SF3A3: variants seen among roughly 807,000 people sequenced by gnomAD.
SF3A3 encodes SAP 61.
In SF3A3, 9 loss-of-function variants were observed where a neutral mutation model predicts 85.8. That is an observed-to-expected ratio of 0.10 (90% CI 0.06 to 0.18). SF3A3 has a LOEUF of 0.18. Among genes scored for constraint, SF3A3 ranks in the 10% least tolerant of loss-of-function variants. SF3A3 has a pLI of 1.00. For synonymous variants in SF3A3, 195 were observed against 204.4 expected (o/e 0.95, Z 0.39); for missense variants, 306 against 593.3 (o/e 0.52, Z 5.03).
intron 14 of SF3A3, among the ~76,000 whole-genome samples, chr1:37,968,634 G>A (rs28428561): frequency 0.47 from 72,014 of 151,934 alleles, 17,384 homozygotes; most frequent in East Asian, 0.65. Flanking sequence ...GATGGTAAAT[G>A]GCATGGGCTT....
intron 15 of SF3A3, among the ~76,000 whole-genome samples, chr1:37,961,288 A>C (rs2148714197): frequency 6.6e-6 from 1 of 152,316 alleles, no homozygotes; most frequent in Non-Finnish European, 1.5e-5. Flanking sequence ...TAATTGCTTT[A>C]AATGAGCTGA....
At chr1:37,984,131 C>G in intron 6 of SF3A3, 38 bp downstream of exon 6, 1 of 1,171,576 alleles carries the variant, frequency 8.5e-7, no homozygotes. Flanking sequence ...TGACTCACTT[C>G]GAGAATCAGA....
At chr1:37,988,857 TTGTGTGTGTG>T (rs547811229) in intron 2 of SF3A3, among the ~76,000 whole-genome samples, 14 of 146,762 alleles carry the variant, frequency 9.5e-5, no homozygotes, top group African/African-American at 2.8e-4. Flanking sequence ...ACGGGGTGTG[TTGTGTGTGTG>T]TGTGTGTGTG....
intron 8 of SF3A3, among the ~76,000 whole-genome samples, chr1:37,980,086 A>C (rs1384379022): frequency 1.3e-5 from 2 of 151,136 alleles, no homozygotes; most frequent in African/African-American, 4.9e-5. Flanking sequence ...GGCACAGTCA[A>C]AGGCAAGTGG....
intron 4 of SF3A3, among the ~76,000 whole-genome samples, chr1:37,985,350 A>G (rs1646448726): frequency 6.6e-6 from 1 of 152,208 alleles, no homozygotes; most frequent in Non-Finnish European, 1.5e-5. Flanking sequence ...ACCACTGTTA[A>G]CAGAGCTTTT....
At position 37,984,737 on chromosome 1, in the gene SF3A3, C is replaced by T; in HGVS notation, c.346G>A (p.Ala116Thr). The T allele has an allele frequency of 6.2e-7, 1 of 1,613,962 alleles. No homozygotes were observed. Among genetic ancestry groups the T allele is most frequent in the African/African-American group, 1.3e-5 (1 of 75,056 alleles). The change falls in exon 5 of 17, where the codon GCT (alanine) becomes ACT (threonine). Residue 116 changes from alanine to threonine, a missense_variant. By Grantham distance (58) the Ala-to-Thr change is moderately conservative. Transcript: ENST00000373019. ...GCCTCTTCACTTGGATTCTCTCGAG[C>T]CTTCAGGAGTTCCTCAAATTCCACT... The part of the protein sequence containing the change: ...MSVEFEELLK[A>T]RENPSEEAQN...
intron 14 of SF3A3, among the ~76,000 whole-genome samples, chr1:37,968,659 A>G (rs1646318940): frequency 6.6e-6 from 1 of 152,080 alleles, no homozygotes; most frequent in African/African-American, 2.4e-5. Context: ...CTGGATGCCA[A>G]CTCCAATCAT....
intron 11 of SF3A3, among the ~76,000 whole-genome samples, chr1:37,977,261 G>A (rs1265316819): frequency 1.3e-5 from 2 of 152,176 alleles, no homozygotes; most frequent in African/African-American, 2.4e-5. Context: ...TCTGCAGCAG[G>A]TAGACCTAGG....
intron 15 of SF3A3, among the ~76,000 whole-genome samples, 189 bp downstream of exon 15, chr1:37,967,855 T>A (rs192630373): frequency 6.6e-6 from 1 of 152,024 alleles, no homozygotes; most frequent in Non-Finnish European, 1.5e-5. Context: ...CGAGACTCCA[T>A]CCATCTCAAA....
At chr1:37,977,401 C>T (rs375418023) in intron 11 of SF3A3, among the ~76,000 whole-genome samples, 137 of 152,192 alleles carry the variant, frequency 9.0e-4, no homozygotes, top group African/African-American at 3.1e-3. Flanking sequence ...TAGAAAAAAA[C>T]GTACATTAAG....
At chr1:37,977,622 T>G (rs905258004) in intron 11 of SF3A3, among the ~76,000 whole-genome samples, 13 of 152,152 alleles carry the variant, frequency 8.5e-5, no homozygotes, top group Non-Finnish European at 1.6e-4. Flanking sequence ...GTGGATCACC[T>G]GAGGTCAGGA....
intron 12 of SF3A3, among the ~76,000 whole-genome samples, chr1:37,975,324 T>C (rs1295928910): frequency 6.6e-6 from 1 of 152,102 alleles, no homozygotes; most frequent in Non-Finnish European, 1.5e-5. Context: ...AAGACCAGCC[T>C]GGCCAACAAG....
intron 15 of SF3A3, among the ~76,000 whole-genome samples, chr1:37,965,272 C>A (rs1646290687): frequency 7.3e-6 from 1 of 136,902 alleles, no homozygotes; most frequent in African/African-American, 2.7e-5. Flanking sequence ...TTGAGACCAG[C>A]CTGGGCAACA....
intron 6 of SF3A3, 131 bp downstream of exon 6, chr1:37,984,038 C>T: frequency 1.9e-6 from 1 of 520,274 alleles, no homozygotes. Context: ...CATATCACCT[C>T]TTTAATATTT....
Position 37,989,992 on chromosome 1 carries a change from C to T in SF3A3, c.-27G>A, listed in dbSNP as rs773578154. 1 of 1,561,656 alleles carries T rather than the reference C, an allele frequency of 6.4e-7. No homozygotes were observed. Among genetic ancestry groups the T allele is most frequent in the Non-Finnish European group, 8.8e-7 (1 of 1,139,498 alleles). On this transcript the variant is annotated 5_prime_UTR_variant, in exon 1 of 17. Coordinates refer to ENST00000373019, the MANE Select transcript of SF3A3 (RefSeq NM_006802.4). ...TTCCCTTAGTCGCGGCTTCTCAATT[C>T]AGACCACCAACACGGCCGGAAGCAA...
chr1:37,973,386 G>C (rs1337756218), intron 12 of SF3A3, among the ~76,000 whole-genome samples: 1 of 152,102 alleles, frequency 6.6e-6, no homozygotes, highest in Admixed American at 6.5e-5. Context: ...CACAGCAAAA[G>C]AAACTACCAT....
rs1646480496 is a variant in SF3A3 at position 37,989,573 on chromosome 1, T to A, written c.119A>T (p.Asp40Val). The A allele has an allele frequency of 6.2e-7, 1 of 1,614,004 alleles. No individual in the cohort carries two copies. The highest frequency in any genetic ancestry group is 1.3e-5 in the African/African-American group (1 of 75,022). ...ATCTTGCATGGCCCGAGTGCGGTGA[T>A]CAGAATTGATCTGGTCCCGGAGCTG... ...KSTLRDQINSDHRTRAMQDRY... is the reference protein window; with the variant it reads ...KSTLRDQINSVHRTRAMQDRY... The change falls in exon 2 of 17, where the codon GAT becomes GTT. Residue 40 changes from aspartate (D) to valine (V), a missense_variant. Around this residue, in one of 4 missense-constraint regions of SF3A3, gnomAD observed 152 missense variants for 192.0 expected, o/e 0.79. Transcript: ENST00000373019.
chr1:37,988,871 GTGTGTGTGTATA>G (rs1191611563), intron 2 of SF3A3, among the ~76,000 whole-genome samples: 5 of 149,110 alleles, frequency 3.4e-5, no homozygotes, highest in African/African-American at 1.0e-4. Flanking sequence ...GTGTGTGTGT[GTGTGTGTGTATA>G]TATATATATA....
chr1:37,981,751 T>G lies in SF3A3; in HGVS notation c.529A>C (p.Arg177=), dbSNP rs769711419. 1 of 1,587,094 alleles carries G rather than the reference T, an allele frequency of 6.3e-7. No homozygotes were observed. Among genetic ancestry groups the G allele is most frequent in the Non-Finnish European group, 8.6e-7 (1 of 1,156,602 alleles). The change falls in exon 7 of 17, where the codon AGG becomes CGG. Residue 177 remains arginine (R), a synonymous_variant. Coordinates refer to ENST00000373019, the MANE Select transcript of SF3A3 (RefSeq NM_006802.4). ...TACCTCTTATACTCTGCATTCTTCCTTTCTTTAGGAATGTCAAATAATTGG... is the reference window on the plus strand; with the variant it reads ...TACCTCTTATACTCTGCATTCTTCCGTTCTTTAGGAATGTCAAATAATTGG... ...FDQLFDIPKE[R]KNAEYKRYLE... is the part of the protein sequence containing the mutation.
Sources: allele counts gnomAD v4.1 joint callset (sites outside exome capture counted in the v4.1 genomes callset), GRCh38; gene constraint gnomAD v4.1.1; regional missense constraint gnomAD v4.1.1; transcripts MANE v1.5; gene names NCBI Gene and HGNC (gene_info 2026-07-23, HGNC 2026-07-21).